Variants in WWOX observed in about 807,000 individuals in gnomAD.
WWOX encodes the protein WW domain containing oxidoreductase.
Under a neutral mutation model 46.2 loss-of-function variants are expected in WWOX, and 69 were observed. That is an observed-to-expected ratio of 1.49 (90% CI 1.23 to 1.82). WWOX has a LOEUF of 1.82. WWOX is among the 40% of genes most tolerant of loss of function. The pLI, the probability that WWOX is intolerant of heterozygous loss-of-function variation, is 0.00. For synonymous variants in WWOX, 359 were observed against 202.6 expected, an observed-to-expected ratio of 1.77 and a Z score of -6.56; for missense variants, 919 against 542.6, an observed-to-expected ratio of 1.69 and a Z score of -6.89.
chr16:78,649,796 A>G (rs906881517), intron 8 of WWOX, among the ~76,000 whole-genome samples: 5 of 152,236 alleles, frequency 3.3e-5, no homozygotes, highest in African/African-American at 1.2e-4. Context: ...TTACACTTAA[A>G]TACTCAAAGC....
chr16:78,541,722 G>C lies in WWOX; in HGVS notation c.1056+108970G>C, dbSNP rs1464385409. ...TTTGTTCCCCTCCAGGTCCTTATCT[G>C]TAAGGTGGCAGTTACAATAATACCC... is the stretch of plus-strand genomic sequence containing the variant. On this transcript the variant is annotated intron_variant, in intron 8 of 8. Coordinates refer to ENST00000566780, the MANE Select transcript of WWOX (RefSeq NM_016373.4). 3.3e-5 allele frequency among the ~76,000 whole-genome samples: 5 copies of C among 151,834 alleles called. No individual in the cohort carries two copies. The South Asian group carries it at 1.0e-3, about 32-fold the overall frequency.
intron 8 of WWOX, among the ~76,000 whole-genome samples, chr16:78,823,000 G>A (rs960098686): frequency 6.6e-6 from 1 of 152,108 alleles, no homozygotes; most frequent in Non-Finnish European, 1.5e-5. Flanking sequence ...GAATAAATCT[G>A]TTAAAGAAAT....
rs1172913591 is a variant in WWOX at position 78,996,382 on chromosome 16, GCCCC to G, written c.1057-215223_1057-215220del. The G allele has an allele frequency of 2.8e-5, 21 of 750,272 alleles. 1 individual carries two copies. Among genetic ancestry groups the G allele is most frequent in the African/African-American group, 3.4e-5 (1 of 29,236 alleles). 46.5% of individuals were successfully genotyped at this position (750,272 alleles called of 1,614,324 possible). On this transcript the variant is annotated intron_variant, in intron 8 of 8. Transcript: ENST00000566780. ...GTGAGTGAATTCTGCACCCACCCCC[GCCCC>G]CCAGCTTCCCCACCTGTAAAATGAT...
At chr16:78,516,237 G>C (rs1420854847) in intron 8 of WWOX, among the ~76,000 whole-genome samples, 3 of 152,118 alleles carry the variant, frequency 2.0e-5, no homozygotes, top group African/African-American at 7.2e-5. Context: ...TCCTTAAACA[G>C]ACATCTATGC....
At chr16:78,554,354 C>G (rs1276564121) in intron 8 of WWOX, among the ~76,000 whole-genome samples, 1 of 152,246 alleles carries the variant, frequency 6.6e-6, no homozygotes, top group Non-Finnish European at 1.5e-5. Flanking sequence ...TCCTACCGCT[C>G]AAAGCCATCA....
chr16:78,231,979 A>G (rs1033953163), intron 5 of WWOX, among the ~76,000 whole-genome samples: 2 of 152,194 alleles, frequency 1.3e-5, no homozygotes, highest in African/African-American at 4.8e-5. Flanking sequence ...TATGGAGGTT[A>G]AGCCCTTTAC....
intron 8 of WWOX, among the ~76,000 whole-genome samples, chr16:79,071,664 C>T (rs913524885): frequency 6.6e-6 from 1 of 152,248 alleles, no homozygotes; most frequent in African/African-American, 2.4e-5. Flanking sequence ...ACTCTTGGGT[C>T]TTTCTTGGCC....
intron 8 of WWOX, among the ~76,000 whole-genome samples, chr16:78,619,857 C>T (rs914993418): frequency 5.3e-5 from 8 of 151,948 alleles, no homozygotes; most frequent in Non-Finnish European, 7.4e-5. Flanking sequence ...ATGATTGCAC[C>T]GTTGTACTCC....
rs56280651 is a variant in WWOX, at chr16:78,768,279, T to TAAAAAAAAAAAA, written c.1056+335537_1056+335548dup. ...GCAAGCCAAAAAGTGATAGATGAGT[T>TAAAAAAAAAAAA]AAAAAAAAAAAAAAAAAAAAAGTTG... On this transcript the variant is annotated intron_variant, in intron 8 of 8. Coordinates refer to ENST00000566780, the MANE Select transcript of WWOX (RefSeq NM_016373.4). Among the ~76,000 whole-genome samples, 11 of 91,956 alleles carry TAAAAAAAAAAAA rather than the reference T, an allele frequency of 1.2e-4. 1 individual carries two copies. The highest frequency in any genetic ancestry group is 3.2e-4 in the African/African-American group (8 of 24,982). 60.3% of individuals were successfully genotyped at this position (91,956 alleles called of 152,430 possible).
intron 8 of WWOX, chr16:78,891,759 A>G (rs2044595269): frequency 6.6e-6 from 1 of 151,304 alleles, no homozygotes; most frequent in Non-Finnish European, 1.5e-5. Flanking sequence ...AATGATTTCG[A>G]ATCCACTGCT....
intron 5 of WWOX, among the ~76,000 whole-genome samples, chr16:78,236,448 A>G (rs571732946): frequency 4.6e-5 from 7 of 152,296 alleles, no homozygotes; most frequent in African/African-American, 9.6e-5. Flanking sequence ...AAGAGCTTCA[A>G]GGGTCATTTC....
intron 8 of WWOX, among the ~76,000 whole-genome samples, chr16:78,738,447 G>A (rs984258716): frequency 1.3e-5 from 2 of 152,158 alleles, no homozygotes; most frequent in Non-Finnish European, 2.9e-5. Flanking sequence ...GGTGGCCAAT[G>A]AAGTGTCACG....
chr16:78,886,075 C>A (rs901757836), intron 8 of WWOX, among the ~76,000 whole-genome samples: 2 of 151,880 alleles, frequency 1.3e-5, no homozygotes, highest in Non-Finnish European at 2.9e-5. Context: ...CAGGTGCTCG[C>A]CACCACACCA....
intron 6 of WWOX, among the ~76,000 whole-genome samples, chr16:78,397,353 A>T (rs530820832): frequency 1.1e-3 from 169 of 152,330 alleles, no homozygotes; most frequent in African/African-American, 3.9e-3. Context: ...GCACTTACAT[A>T]CCATCCCATT....
intron 8 of WWOX, among the ~76,000 whole-genome samples, chr16:79,143,233 C>G (rs750091380): frequency 1.3e-5 from 2 of 152,190 alleles, no homozygotes; most frequent in Non-Finnish European, 1.5e-5. Flanking sequence ...CTGCTTCCCC[C>G]TCCTGGATGA....
intron 8 of WWOX, among the ~76,000 whole-genome samples, chr16:79,071,372 C>G (rs138633871): frequency 1.3e-5 from 2 of 152,178 alleles, no homozygotes; most frequent in Non-Finnish European, 2.9e-5. Context: ...GCTTTTCAAC[C>G]ATTTGAGAGG....
At chr16:78,477,910 T>C (rs1253015881) in intron 8 of WWOX, among the ~76,000 whole-genome samples, 3 of 152,198 alleles carry the variant, frequency 2.0e-5, no homozygotes, top group Admixed American at 1.3e-4. Flanking sequence ...TGGAAAAAGA[T>C]ATTCTGGTTA....
intron 8 of WWOX, among the ~76,000 whole-genome samples, chr16:78,904,401 G>A (rs1271237962): frequency 6.6e-6 from 1 of 151,982 alleles, no homozygotes; most frequent in Non-Finnish European, 1.5e-5. Flanking sequence ...ACTGCGCCCA[G>A]CTAATTTTTG....
At chr16:79,122,877 A>C (rs77169127) in intron 8 of WWOX, among the ~76,000 whole-genome samples, 1 of 152,200 alleles carries the variant, frequency 6.6e-6, no homozygotes, top group Non-Finnish European at 1.5e-5. Flanking sequence ...GGGCTGTTGT[A>C]CTGAGGCTTG....
Sources: allele counts gnomAD v4.1 joint callset (sites outside exome capture counted in the v4.1 genomes callset), GRCh38; gene constraint gnomAD v4.1.1; transcripts MANE v1.5; gene names NCBI Gene and HGNC (gene_info 2026-07-23, HGNC 2026-07-21).